Variants in ASTN1 observed in about 807,000 individuals in gnomAD.
ASTN1 encodes astrotactin-1.
A neutral mutation model predicts 140.7 loss-of-function variants in ASTN1; 41 were observed. That is an observed-to-expected ratio of 0.29 (90% CI 0.23 to 0.38). The LOEUF (loss-of-function observed/expected upper bound fraction) is 0.38. ASTN1 is among the 10% of genes least tolerant of loss of function. The probability of loss-of-function intolerance (pLI) is 1.00; values close to 1 mark genes in which losing one functional copy is unlikely to be tolerated. For synonymous variants in ASTN1, 640 were observed against 652.2 expected (o/e 0.98, Z 0.29); for missense variants, 1,479 against 1,678.8 (o/e 0.88, Z 2.08).
chr1:176,872,354 C>A (rs1037640893), intron 21 of ASTN1, among the ~76,000 whole-genome samples: 7 of 152,118 alleles, frequency 4.6e-5, no homozygotes, highest in African/African-American at 1.7e-4. Flanking sequence ...ATGGCACTTA[C>A]AGTCTGGTGG....
intron 1 of ASTN1, among the ~76,000 whole-genome samples, chr1:177,090,049 C>T (rs539648681): frequency 6.6e-6 from 1 of 152,014 alleles, no homozygotes; most frequent in African/African-American, 2.4e-5. Context: ...CAATCAGTGC[C>T]ACCGTCATCA....
chr1:176,995,785 T>C lies in ASTN1; in HGVS notation c.1523+19006A>G, dbSNP rs527584515. ...CTTTTGGTGGCTAGAGAGGAAGGACTTGGGGATAAATCAGGGGGCAGGAAG... is the reference window on the plus strand; with the variant it reads ...CTTTTGGTGGCTAGAGAGGAAGGACCTGGGGATAAATCAGGGGGCAGGAAG... On this transcript the variant is annotated intron_variant, in intron 8 of 22. Transcript: ENST00000361833. 2.6e-5 allele frequency among the ~76,000 whole-genome samples: 4 copies of C among 152,224 alleles called. No individual in the cohort carries two copies. In the East Asian group the frequency reaches 5.8e-4, roughly 22 times the overall value.
intron 8 of ASTN1, among the ~76,000 whole-genome samples, chr1:176,974,176 C>T (rs555950167): frequency 2.1e-4 from 32 of 152,114 alleles, no homozygotes; most frequent in Non-Finnish European, 1.0e-4. Flanking sequence ...CAATAAAAAA[C>T]TGACTTGATC....
At chr1:177,051,939 C>A (rs1215234215) in intron 2 of ASTN1, among the ~76,000 whole-genome samples, 1 of 152,118 alleles carries the variant, frequency 6.6e-6, no homozygotes, top group Non-Finnish European at 1.5e-5. Flanking sequence ...AAATGAAGTT[C>A]TTCCAGAGAA....
chr1:177,090,467 A>C (rs1679696593), intron 1 of ASTN1, among the ~76,000 whole-genome samples: 1 of 152,198 alleles, frequency 6.6e-6, no homozygotes, highest in African/African-American at 2.4e-5. Context: ...TTATGTTTCC[A>C]GTCTCTGGTA....
At chr1:177,018,503 T>C (rs1319014883) in intron 7 of ASTN1, among the ~76,000 whole-genome samples, 1 of 152,210 alleles carries the variant, frequency 6.6e-6, no homozygotes, top group Non-Finnish European at 1.5e-5. Flanking sequence ...TGGTTGGGTC[T>C]GGCCTATGGA....
At chr1:177,026,178 GA>G (rs1329716788) in intron 5 of ASTN1, among the ~76,000 whole-genome samples, 3 of 152,196 alleles carry the variant, frequency 2.0e-5, no homozygotes, top group Non-Finnish European at 4.4e-5. Context: ...CTTGAGGGCA[GA>G]AGGTAGTCTC....
At chr1:176,970,987 T>C (rs973071853) in intron 8 of ASTN1, among the ~76,000 whole-genome samples, 2 of 152,210 alleles carry the variant, frequency 1.3e-5, no homozygotes, top group Non-Finnish European at 2.9e-5. Context: ...GAGTTTCTGG[T>C]AGAAGCATGG....
chr1:177,084,900 C>T (rs7517664), intron 1 of ASTN1, among the ~76,000 whole-genome samples: 61,494 of 151,970 alleles, frequency 0.4, 13,568 homozygotes, highest in Non-Finnish European at 0.5. Flanking sequence ...TCTTAACCCA[C>T]TGACATCTGT....
At chr1:177,014,982 A>G (rs1448813323) in intron 7 of ASTN1, 107 bp from the exon 8 acceptor site, 9 of 981,434 alleles carry the variant, frequency 9.2e-6, no homozygotes, top group Non-Finnish European at 1.4e-5. Flanking sequence ...TCTTACTCTG[A>G]TATTAGCATG....
chr1:176,972,388 T>C (rs533198436), intron 8 of ASTN1, among the ~76,000 whole-genome samples: 2 of 152,328 alleles, frequency 1.3e-5, no homozygotes, highest in South Asian at 4.1e-4. Context: ...CAAACACAGA[T>C]ATGGAGCCAC....
At chr1:176,979,371 G>T (rs1170038391) in intron 8 of ASTN1, among the ~76,000 whole-genome samples, 1 of 151,714 alleles carries the variant, frequency 6.6e-6, no homozygotes, top group Non-Finnish European at 1.5e-5. Flanking sequence ...GGGCCATCCA[G>T]GGTGCCCTAG....
chr1:176,861,685 CG>C lies in ASTN1; in HGVS notation c.*2598del. 2.0e-6 allele frequency: 2 copies of C among 979,338 alleles called. No homozygotes were observed. Among genetic ancestry groups the C allele is most frequent in the Non-Finnish European group, 2.4e-6 (2 of 824,804 alleles). 60.7% of individuals were successfully genotyped at this position (979,338 alleles called of 1,614,324 possible). A position where few individuals can be genotyped will look rare whatever the true frequency, so the allele number is the denominator to read the frequency against. On this transcript the variant is annotated 3_prime_UTR_variant, in exon 23 of 23. Coordinates refer to ENST00000361833, the MANE Select transcript of ASTN1 (RefSeq NM_004319.3). ...GAGTTGTGTGCATTGTGTGTGCACA[CG>C]TGTGTGTGTGTGTACATACATACAC... is the stretch of plus-strand genomic sequence containing the variant.
intron 2 of ASTN1, among the ~76,000 whole-genome samples, chr1:177,059,054 C>T (rs1677949642): frequency 6.6e-6 from 1 of 152,138 alleles, no homozygotes; most frequent in African/African-American, 2.4e-5. Flanking sequence ...TAGGGTCCTT[C>T]TTTAAAATAT....
chr1:176,867,836 T>C (rs1402430315), intron 22 of ASTN1, among the ~76,000 whole-genome samples: 2 of 152,210 alleles, frequency 1.3e-5, no homozygotes, highest in Non-Finnish European at 2.9e-5. Context: ...ATGACTTTTG[T>C]ATGGTACTTT....
rs35645944 is a variant in ASTN1, at chr1:176,888,083, A to G, written c.3062T>C (p.Leu1021Pro). 3.7e-6 allele frequency: 6 copies of G among 1,613,992 alleles called. No homozygotes were observed. The highest frequency in any genetic ancestry group is 3.3e-4 in the Middle Eastern group (2 of 6,084). Reference protein sequence around the residue: ...GADGLPTCAPLPQPVLRLSTV... With the variant: ...GADGLPTCAPPPQPVLRLSTV... Reference sequence around the variant, plus strand: ...AAGAGAACCATACACAGGCTGTGGGAGAGGCGCACAGGTGGGGAGTCCATC... The same window carrying G: ...AAGAGAACCATACACAGGCTGTGGGGGAGGCGCACAGGTGGGGAGTCCATC... The change falls in exon 18 of 23, where the codon CTC becomes CCC. Residue 1021 changes from leucine to proline, a missense_variant. Leu to Pro is a moderately conservative substitution (Grantham distance 98). This residue lies in a region of ASTN1 where 746 missense variants were observed against 800.9 expected (regional missense o/e 0.93). Transcript: ENST00000361833.
Position 177,160,801 on chromosome 1 carries a change from A to G in ASTN1, c.283+3593T>C, listed in dbSNP as rs559529673. Among the ~76,000 whole-genome samples the G allele has an allele frequency of 2.0e-5, 3 of 152,340 alleles. No homozygotes were observed. The South Asian group carries it at 6.2e-4, about 32-fold the overall frequency. ...TGTGCCTAAATATTTTAAATTAGAA[A>G]TGACAGTTATTTTGCAACACTTTTG... On this transcript the variant is annotated intron_variant, in intron 1 of 22. Coordinates refer to ENST00000361833, the MANE Select transcript of ASTN1 (RefSeq NM_004319.3).
intron 14 of ASTN1, among the ~76,000 whole-genome samples, chr1:176,940,318 T>C (rs1458459670): frequency 6.6e-6 from 1 of 152,030 alleles, no homozygotes. Context: ...CAGACCACTA[T>C]CCATAACAAA....
intron 1 of ASTN1, among the ~76,000 whole-genome samples, chr1:177,089,930 T>C (rs2102099617): frequency 6.6e-6 from 1 of 152,090 alleles, no homozygotes; most frequent in African/African-American, 2.4e-5. Context: ...TCCTCTTCGG[T>C]TCCAACATCA....
Sources: allele counts gnomAD v4.1 joint callset (sites outside exome capture counted in the v4.1 genomes callset), GRCh38; gene constraint gnomAD v4.1.1; regional missense constraint gnomAD v4.1.1; transcripts MANE v1.5; gene names NCBI Gene and HGNC (gene_info 2026-07-23, HGNC 2026-07-21).